The following C6orf52 variants were observed in gnomAD, a reference collection of about 807,000 sequenced individuals.
C6orf52 encodes putative uncharacterized protein C6orf52.
In C6orf52, 16 loss-of-function variants were observed where a neutral mutation model predicts 16.6. The observed-to-expected ratio is 0.96, with a 90% CI of 0.65 to 1.46. C6orf52 has a LOEUF of 1.46. C6orf52 is among the 40% of genes most tolerant of loss of function. The pLI, the probability that C6orf52 is intolerant of heterozygous loss-of-function variation, is 0.00. For synonymous variants in C6orf52, 53 were observed against 61.4 expected, an observed-to-expected ratio of 0.86 and a Z score of 0.64; for missense variants, 166 against 182.3, an observed-to-expected ratio of 0.91 and a Z score of 0.52.
At position 10,692,735 on chromosome 6, in the gene C6orf52, T is replaced by C. The variant is rs150812800; in HGVS notation, c.-12+1759A>G. Among the ~76,000 whole-genome samples the C allele has an allele frequency of 5.6e-4, 85 of 152,168 alleles. 1 individual carries two copies. The highest frequency in any genetic ancestry group is 1.9e-3 in the African/African-American group (80 of 41,518). On this transcript the variant is annotated intron_variant, in intron 1 of 4. Coordinates refer to ENST00000259983, the MANE Select transcript of C6orf52 (RefSeq NM_001145020.3). ...CTGCGTCTGGCCATTTTATTTTATTTTTTGAGACAGAGTCCTGACCTCAAG... is the reference window on the plus strand; with the variant it reads ...CTGCGTCTGGCCATTTTATTTTATTCTTTGAGACAGAGTCCTGACCTCAAG...
chr6:10,676,052 C>A (rs1234680321), intron 4 of C6orf52, among the ~76,000 whole-genome samples: 3 of 152,196 alleles, frequency 2.0e-5, no homozygotes, highest in African/African-American at 7.2e-5. Context: ...TTCATTTGAA[C>A]GGGGGAGGCG....
At chr6:10,680,752 T>C (rs1277302234) in intron 4 of C6orf52, among the ~76,000 whole-genome samples, 1 of 151,880 alleles carries the variant, frequency 6.6e-6, no homozygotes, top group Non-Finnish European at 1.5e-5. Context: ...AAATGAAAAA[T>C]AAATGTTTGG....
intron 1 of C6orf52, among the ~76,000 whole-genome samples, chr6:10,693,866 C>T (rs746222191): frequency 4.6e-5 from 7 of 152,274 alleles, no homozygotes; most frequent in South Asian, 2.1e-4. Flanking sequence ...GTTGCTGAGG[C>T]CACAGGCGGG....
rs570309172 is a variant in C6orf52, at chr6:10,687,565, T to A, written c.-11-4A>T. ...GGTTGGGCCATTTACCCAGAAACTT[T>A]ACAAAAAGAGAGCAGAATCCAGTTT... On this transcript the variant is annotated splice_polypyrimidine_tract_variant and splice_region_variant and intron_variant, in intron 1 of 4. Transcript: ENST00000259983. The A allele has an allele frequency of 3.2e-4, 488 of 1,540,238 alleles. No individual in the cohort carries two copies. Among genetic ancestry groups the A allele is most frequent in the Non-Finnish European group, 4.1e-4 (469 of 1,138,140 alleles).
rs979181635 is a variant in C6orf52, at chr6:10,671,533, A to G, written c.382T>C (p.Tyr128His). The G allele has an allele frequency of 6.5e-7, 1 of 1,548,494 alleles. No individual in the cohort carries two copies. ...QEFMVKSEEL[Y>H]DSLMNCHWQP... ...CAGTGGCAATTCATGAGGGAGTCGT[A>G]GAGTTCTTCACTTTTCACCATAAAC... The change falls in exon 5 of 5, where the codon TAC becomes CAC. Residue 128 changes from tyrosine (Y) to histidine (H), a missense_variant. Tyr to His is a moderately conservative substitution (Grantham distance 83). Coordinates refer to ENST00000259983, the MANE Select transcript of C6orf52 (RefSeq NM_001145020.3).
chr6:10,679,371 G>A (rs1365272832), intron 4 of C6orf52, among the ~76,000 whole-genome samples: 2 of 151,022 alleles, frequency 1.3e-5, no homozygotes, highest in African/African-American at 4.9e-5. Flanking sequence ...ACCCGGAGAC[G>A]GAGGTTGCAG....
chr6:10,676,619 A>G (rs1260158119), intron 4 of C6orf52, among the ~76,000 whole-genome samples: 6 of 152,248 alleles, frequency 3.9e-5, no homozygotes, highest in Non-Finnish European at 7.3e-5. Flanking sequence ...TAATAAGATC[A>G]GGGTAGGGCA....
Position 10,683,564 on chromosome 6 carries a change from G to A in C6orf52, c.271-332C>T, listed in dbSNP as rs530871198. On this transcript the variant is annotated intron_variant, in intron 3 of 4. Transcript: ENST00000259983. Reference sequence around the variant, plus strand: ...CAGACACCAGCGACCCTGGTATCCAGGCTCCTTATTTCTTGTACTACATGC... The same window carrying A: ...CAGACACCAGCGACCCTGGTATCCAAGCTCCTTATTTCTTGTACTACATGC... Among the ~76,000 whole-genome samples, 3 of 152,296 alleles carry A rather than the reference G, an allele frequency of 2.0e-5. No individual in the cohort carries two copies. In the South Asian group the frequency reaches 6.2e-4, roughly 32 times the overall value.
intron 1 of C6orf52, among the ~76,000 whole-genome samples, chr6:10,692,269 A>C (rs1769387225): frequency 6.6e-6 from 1 of 152,252 alleles, no homozygotes; most frequent in Non-Finnish European, 1.5e-5. Context: ...TGAAACTTAC[A>C]ATGTCCTGCT....
At chr6:10,683,821 T>A (rs568151419) in intron 3 of C6orf52, among the ~76,000 whole-genome samples, 3 of 152,346 alleles carry the variant, frequency 2.0e-5, no homozygotes, top group Admixed American at 1.3e-4. Flanking sequence ...TCTTGGTTGG[T>A]TAACCCAGAC....
At position 10,683,377 on chromosome 6, in the gene C6orf52, T is replaced by C. The variant is rs191145988; in HGVS notation, c.271-145A>G. On this transcript the variant is annotated intron_variant, in intron 3 of 4. Transcript: ENST00000259983. Reference sequence around the variant, plus strand: ...ACAATTAATCTCTTTAAATCAACTTTTGAATTTGATGAAAAGAATCTTTAG... The same window carrying C: ...ACAATTAATCTCTTTAAATCAACTTCTGAATTTGATGAAAAGAATCTTTAG... The C allele has an allele frequency of 1.5e-4, 82 of 548,354 alleles. No homozygotes were observed. In the East Asian group the frequency reaches 2.4e-3, roughly 16 times the overall value. 34.0% of individuals were successfully genotyped at this position (548,354 alleles called of 1,614,324 possible).
chr6:10,672,645 TATAAAA>T (rs1201602462), intron 4 of C6orf52: 44 of 679,024 alleles, frequency 6.5e-5, no homozygotes, highest in South Asian at 1.6e-5. Context: ...CACTACAAAA[TATAAAA>T]ATAATTTTTT....
Position 10,694,607 on chromosome 6 carries a change from G to GGTGTAGAT in C6orf52, c.-126_-125insATCTACAC. 1.5e-5 allele frequency: 3 copies of GGTGTAGAT among 197,422 alleles called. No homozygotes were observed. Among genetic ancestry groups the GGTGTAGAT allele is most frequent in the South Asian group, 1.5e-4 (2 of 13,758 alleles). The allele number at this position is 197,422 out of a possible 1,614,324, so 12.2% of individuals were successfully genotyped here. A position where few individuals can be genotyped will look rare whatever the true frequency, so the allele number is the denominator to read the frequency against. On this transcript the variant is annotated 5_prime_UTR_variant, in exon 1 of 5. Transcript: ENST00000259983. Reference sequence around the variant, plus strand: ...CGGCGCTACAGCCCCTAAGCAACCGGCCGGAAGTCGGCCCCACCTCCTCCT... The same window carrying GGTGTAGAT: ...CGGCGCTACAGCCCCTAAGCAACCGGGTGTAGATCCGGAAGTCGGCCCCACCTCCTCCT...
intron 2 of C6orf52, 92 bp downstream of exon 2, chr6:10,687,388 A>T: frequency 2.8e-6 from 3 of 1,055,164 alleles, no homozygotes; most frequent in Non-Finnish European, 4.2e-6. Flanking sequence ...AACTTTAAAA[A>T]AAAAAAAGCC....
intron 4 of C6orf52, chr6:10,672,416 C>A: frequency 2.0e-6 from 1 of 506,634 alleles, no homozygotes; most frequent in Non-Finnish European, 3.5e-6. Flanking sequence ...AAAGCCTAAC[C>A]CCCACAATGT....
At chr6:10,691,246 A>C (rs1769270284) in intron 1 of C6orf52, among the ~76,000 whole-genome samples, 1 of 152,220 alleles carries the variant, frequency 6.6e-6, no homozygotes, top group Non-Finnish European at 1.5e-5. Flanking sequence ...TCAGCCAGCG[A>C]GTTTAAGAAA....
At chr6:10,675,377 G>A (rs1289284462) in intron 4 of C6orf52, among the ~76,000 whole-genome samples, 1 of 152,144 alleles carries the variant, frequency 6.6e-6, no homozygotes, top group East Asian at 1.9e-4. Context: ...CCTTTTTACA[G>A]TTGAATAGTA....
chr6:10,672,355 T>C (rs1767507515), intron 4 of C6orf52, among the ~76,000 whole-genome samples: 1 of 152,220 alleles, frequency 6.6e-6, no homozygotes, highest in Admixed American at 6.5e-5. Flanking sequence ...ATGCTATTCA[T>C]CTGTATGCTT....
At chr6:10,692,473 C>T (rs1056391652) in intron 1 of C6orf52, among the ~76,000 whole-genome samples, 14 of 152,156 alleles carry the variant, frequency 9.2e-5, no homozygotes, top group African/African-American at 3.1e-4. Flanking sequence ...GAGACAGTCT[C>T]ACTCTTGCCC....
Sources: allele counts gnomAD v4.1 joint callset (sites outside exome capture counted in the v4.1 genomes callset), GRCh38; gene constraint gnomAD v4.1.1; transcripts MANE v1.5; gene names NCBI Gene and HGNC (gene_info 2026-07-23, HGNC 2026-07-21).